Variants in TENM4 observed in about 807,000 individuals in gnomAD.
TENM4 encodes the protein teneurin-4.
TENM4 carries 82 observed loss-of-function variants against 243.3 expected under a neutral mutation model. The ratio of observed to expected loss-of-function variants is 0.34; its 90% confidence interval spans 0.28 to 0.40. The LOEUF is 0.40. Ranked by LOEUF, TENM4 falls within the 10% of genes least tolerant of loss-of-function variation. The pLI, the probability that TENM4 is intolerant of heterozygous loss-of-function variation, is 1.00. For synonymous variants in TENM4, 1,412 were observed against 1,456.3 expected (o/e 0.97, Z 0.69); for missense variants, 3,138 against 3,673.3 (o/e 0.85, Z 3.77).
At chr11:78,850,063 G>C (rs541102577) in intron 12 of TENM4, among the ~76,000 whole-genome samples, 1 of 143,144 alleles carries the variant, frequency 7.0e-6, no homozygotes, top group East Asian at 2.0e-4. Flanking sequence ...TCAGTGCTCT[G>C]TGTGTGTGTG....
chr11:78,880,914 G>A (rs1057342408), intron 9 of TENM4, among the ~76,000 whole-genome samples: 1 of 152,130 alleles, frequency 6.6e-6, no homozygotes, highest in African/African-American at 2.4e-5. Context: ...ATGAGAGGGG[G>A]GTTGACTTCA....
intron 1 of TENM4, among the ~76,000 whole-genome samples, chr11:79,397,558 G>A (rs1206257407): frequency 2.0e-5 from 3 of 152,134 alleles, no homozygotes; most frequent in African/African-American, 7.2e-5. Flanking sequence ...TTCCTTTACA[G>A]GCCAGAGGTA....
chr11:78,764,638 T>C (rs1185902450), intron 18 of TENM4, among the ~76,000 whole-genome samples: 2 of 152,164 alleles, frequency 1.3e-5, no homozygotes, highest in African/African-American at 4.8e-5. Flanking sequence ...AGCTCATCCC[T>C]CTCCTTAGAA....
intron 4 of TENM4, among the ~76,000 whole-genome samples, chr11:79,114,686 C>G (rs985916294): frequency 1.3e-5 from 2 of 152,162 alleles, no homozygotes; most frequent in African/African-American, 4.8e-5. Context: ...ACAAGGGGCT[C>G]CACATTTTTA....
intron 9 of TENM4, 145 bp downstream of exon 9, chr11:78,889,640 C>T: frequency 1.2e-6 from 1 of 840,684 alleles, no homozygotes; most frequent in Non-Finnish European, 1.9e-6. Flanking sequence ...GGGGTGCAGA[C>T]TGTCCAGAAC....
At chr11:79,013,174 A>T (rs1858692462) in intron 6 of TENM4, among the ~76,000 whole-genome samples, 1 of 152,114 alleles carries the variant, frequency 6.6e-6, no homozygotes, top group Admixed American at 6.5e-5. Context: ...GGGGCACGAG[A>T]GCTGGTTAAG....
At chr11:79,414,973 G>A (rs1191953844) in intron 1 of TENM4, among the ~76,000 whole-genome samples, 2 of 152,220 alleles carry the variant, frequency 1.3e-5, no homozygotes, top group African/African-American at 2.4e-5. Flanking sequence ...CTGGCTTAGG[G>A]GAGAGGCCTC....
At chr11:79,196,402 A>C (rs1390052231) in intron 3 of TENM4, among the ~76,000 whole-genome samples, 1 of 151,814 alleles carries the variant, frequency 6.6e-6, no homozygotes, top group Non-Finnish European at 1.5e-5. Flanking sequence ...AAATGGGAAA[A>C]CAGGTCTGAA....
chr11:79,122,470 T>G (rs1861763310), intron 4 of TENM4, among the ~76,000 whole-genome samples: 1 of 152,118 alleles, frequency 6.6e-6, no homozygotes, highest in Non-Finnish European at 1.5e-5. Flanking sequence ...AAGCTGAGAC[T>G]TGGAAGATGA....
At chr11:79,013,193 G>A (rs1172781649) in intron 6 of TENM4, among the ~76,000 whole-genome samples, 6 of 152,134 alleles carry the variant, frequency 3.9e-5, no homozygotes, top group African/African-American at 7.2e-5. Context: ...AGTGCTTCCT[G>A]GTATTTCCTG....
At chr11:78,802,315 G>C (rs185627108) in intron 15 of TENM4, among the ~76,000 whole-genome samples, 1 of 152,188 alleles carries the variant, frequency 6.6e-6, no homozygotes. Flanking sequence ...TACATAACCC[G>C]CTGAGGCAGG....
intron 3 of TENM4, among the ~76,000 whole-genome samples, chr11:79,205,342 C>T (rs961777249): frequency 6.6e-6 from 1 of 152,138 alleles, no homozygotes; most frequent in East Asian, 1.9e-4. Flanking sequence ...TACTGGTACT[C>T]ATGTGTGTAT....
chr11:79,041,884 G>T (rs904724905), intron 6 of TENM4, among the ~76,000 whole-genome samples: 10 of 152,142 alleles, frequency 6.6e-5, no homozygotes, highest in Non-Finnish European at 1.3e-4. Context: ...GCCCTCGCAG[G>T]GCTCAGGGTC....
chr11:78,932,392 C>T (rs541406446), intron 6 of TENM4, among the ~76,000 whole-genome samples: 4 of 152,248 alleles, frequency 2.6e-5, no homozygotes, highest in South Asian at 4.2e-4. Flanking sequence ...CTGTGGCCTC[C>T]GATTTGCCCT....
Position 79,089,591 on chromosome 11 carries a change from C to T in TENM4, c.-65-19582G>A, listed in dbSNP as rs906902070. 1.2e-4 allele frequency among the ~76,000 whole-genome samples: 18 copies of T among 152,234 alleles called. No homozygotes were observed. The South Asian group carries it at 3.1e-3, about 26-fold the overall frequency. Reference sequence around the variant, plus strand: ...CACTGCCCCAGCTAACCCAAAGAAGCAGGTTTCATATCCTCATCCCAATGG... The same window carrying T: ...CACTGCCCCAGCTAACCCAAAGAAGTAGGTTTCATATCCTCATCCCAATGG... On this transcript the variant is annotated intron_variant, in intron 4 of 33. Coordinates refer to ENST00000278550, the MANE Select transcript of TENM4 (RefSeq NM_001098816.3).
chr11:79,338,379 T>C (rs1857188408), intron 1 of TENM4, among the ~76,000 whole-genome samples: 1 of 152,220 alleles, frequency 6.6e-6, no homozygotes, highest in African/African-American at 2.4e-5. Flanking sequence ...CAACTCCCGT[T>C]CAGCACTGGG....
intron 9 of TENM4, among the ~76,000 whole-genome samples, chr11:78,863,789 T>C (rs1352248379): frequency 6.6e-6 from 1 of 152,216 alleles, no homozygotes; most frequent in African/African-American, 2.4e-5. Flanking sequence ...CTAGCAACAT[T>C]AAAATACACA....
intron 12 of TENM4, among the ~76,000 whole-genome samples, chr11:78,849,183 A>T (rs1238033423): frequency 1.3e-5 from 2 of 152,206 alleles, no homozygotes; most frequent in Admixed American, 6.5e-5. Flanking sequence ...ATGAAAACGA[A>T]CTTGTTAGGT....
chr11:79,136,389 C>G (rs532618238), intron 4 of TENM4, among the ~76,000 whole-genome samples: 3 of 152,142 alleles, frequency 2.0e-5, no homozygotes, highest in Non-Finnish European at 4.4e-5. Context: ...CCCCTGTCAT[C>G]GCCCAGTGGG....
Sources: gnomAD v4.1 joint callset for allele counts (sites outside exome capture counted in the v4.1 genomes callset) on GRCh38, gnomAD v4.1.1 for gene constraint, MANE v1.5 for transcripts, NCBI Gene and HGNC (gene_info 2026-07-23, HGNC 2026-07-21) for gene names.